Variants in GULP1 observed in about 807,000 individuals in gnomAD.
The protein encoded by GULP1 is PTB domain-containing engulfment adapter protein 1.
A neutral mutation model predicts 40.9 loss-of-function variants in GULP1; 19 were observed. The ratio of observed to expected loss-of-function variants is 0.46; its 90% CI spans 0.32 to 0.68. The LOEUF (loss-of-function observed/expected upper bound fraction) is 0.68. Ranked by LOEUF, GULP1 falls within the 30% of genes least tolerant of loss-of-function variation. GULP1 has a pLI of 0.03. For synonymous variants in GULP1, 119 were observed against 117.6 expected, an observed-to-expected ratio of 1.01 and a Z score of -0.08; for missense variants, 312 against 362.2, an observed-to-expected ratio of 0.86 and a Z score of 1.12.
intron 5 of GULP1, among the ~76,000 whole-genome samples, chr2:188,523,321 G>A (rs1685318705): frequency 6.6e-6 from 1 of 152,174 alleles, no homozygotes; most frequent in African/African-American, 2.4e-5. Context: ...ATGTCCGTAA[G>A]TAGCCATGGG....
chr2:188,356,068 A>G (rs2045267688), intron 1 of GULP1, among the ~76,000 whole-genome samples: 1 of 152,110 alleles, frequency 6.6e-6, no homozygotes, highest in Non-Finnish European at 1.5e-5. Context: ...ACAAACTCAC[A>G]ATCATATATG....
chr2:188,431,224 C>T (rs777069162), intron 2 of GULP1, among the ~76,000 whole-genome samples: 1 of 151,942 alleles, frequency 6.6e-6, no homozygotes, highest in Non-Finnish European at 1.5e-5. Context: ...GGAGGAAAAC[C>T]GTGTCTTTTT....
intron 1 of GULP1, among the ~76,000 whole-genome samples, chr2:188,316,948 T>C (rs2039177636): frequency 6.6e-6 from 1 of 152,170 alleles, no homozygotes; most frequent in Non-Finnish European, 1.5e-5. Context: ...ACATGCCTCC[T>C]TGAAAATGCT....
At chr2:188,463,299 A>C (rs1468623891) in intron 2 of GULP1, among the ~76,000 whole-genome samples, 1 of 152,136 alleles carries the variant, frequency 6.6e-6, no homozygotes, top group Non-Finnish European at 1.5e-5. Flanking sequence ...TTCTAGGAAA[A>C]AATATTTTTG....
intron 4 of GULP1, among the ~76,000 whole-genome samples, chr2:188,497,994 C>G (rs545225147): frequency 7.2e-5 from 11 of 152,008 alleles, no homozygotes; most frequent in South Asian, 4.1e-4. Context: ...TAGATTTCCA[C>G]ACATTCCAGA....
At chr2:188,408,790 T>C (rs535163730) in intron 2 of GULP1, among the ~76,000 whole-genome samples, 1 of 152,168 alleles carries the variant, frequency 6.6e-6, no homozygotes, top group Non-Finnish European at 1.5e-5. Flanking sequence ...TGATAACAAA[T>C]TTAAGAAGAA....
chr2:188,476,754 A>T (rs570303524), intron 2 of GULP1, among the ~76,000 whole-genome samples: 2 of 152,132 alleles, frequency 1.3e-5, no homozygotes, highest in East Asian at 3.9e-4. Context: ...TGAGTGTTGT[A>T]TCAGTAAGAT....
At chr2:188,481,224 C>T (rs982338008) in intron 3 of GULP1, among the ~76,000 whole-genome samples, 3 of 152,058 alleles carry the variant, frequency 2.0e-5, no homozygotes, top group Non-Finnish European at 1.5e-5. Context: ...CATTTCTGCA[C>T]ATTTTCATAT....
intron 7 of GULP1, chr2:188,541,962 G>C (rs1232477048): frequency 6.5e-6 from 1 of 152,678 alleles, no homozygotes; most frequent in Non-Finnish European, 1.5e-5. Context: ...ACAAAAATTA[G>C]CTGGGTGTGG....
intron 6 of GULP1, among the ~76,000 whole-genome samples, chr2:188,531,578 A>T (rs1037799752): frequency 3.3e-5 from 5 of 152,216 alleles, no homozygotes; most frequent in African/African-American, 1.2e-4. Context: ...TACTTTAGTT[A>T]CGGCGATTCT....
intron 2 of GULP1, among the ~76,000 whole-genome samples, chr2:188,421,609 A>G (rs902037153): frequency 3.9e-5 from 6 of 152,190 alleles, no homozygotes; most frequent in African/African-American, 1.4e-4. Context: ...ACCACACACA[A>G]AGGATAGCTT....
At chr2:188,532,203 T>A (rs1687727374) in intron 6 of GULP1, among the ~76,000 whole-genome samples, 1 of 152,250 alleles carries the variant, frequency 6.6e-6, no homozygotes, top group Admixed American at 6.5e-5. Context: ...TACCATAATT[T>A]ACCAAATTAT....
chr2:188,384,644 A>T lies in GULP1; in HGVS notation c.-45+755A>T, dbSNP rs545011614. Among the ~76,000 whole-genome samples, 50 of 152,336 alleles carry T rather than the reference A, an allele frequency of 3.3e-4. 1 individual carries two copies. Among genetic ancestry groups the T allele is most frequent in the African/African-American group, 1.1e-3 (46 of 41,578 alleles). On this transcript the variant is annotated intron_variant, in intron 2 of 11. Coordinates refer to ENST00000409830, the MANE Select transcript of GULP1 (RefSeq NM_016315.4). ...CACAATCCAGAGTCTCATTAGAGAC[A>T]AGGCAGGTCCTTTCTGCCTATGAGC...
intron 4 of GULP1, among the ~76,000 whole-genome samples, chr2:188,521,190 G>A (rs2065734860): frequency 6.6e-6 from 1 of 151,984 alleles, no homozygotes; most frequent in Non-Finnish European, 1.5e-5. Flanking sequence ...ATGTTTGTTT[G>A]CCCTATATAT....
intron 3 of GULP1, among the ~76,000 whole-genome samples, chr2:188,480,666 CTTTG>C (rs1441232057): frequency 2.0e-5 from 3 of 151,388 alleles, no homozygotes; most frequent in Non-Finnish European, 4.4e-5. Context: ...TAGTGATTGT[CTTTG>C]TTTTAGATTT....
intron 1 of GULP1, among the ~76,000 whole-genome samples, chr2:188,308,865 G>T (rs1038152566): frequency 1.3e-5 from 2 of 152,114 alleles, no homozygotes; most frequent in African/African-American, 4.8e-5. Flanking sequence ...TCACTGAGAG[G>T]TATAAAAGAG....
At chr2:188,443,668 A>G (rs2058128799) in intron 2 of GULP1, among the ~76,000 whole-genome samples, 1 of 151,734 alleles carries the variant, frequency 6.6e-6, no homozygotes, top group African/African-American at 2.4e-5. Flanking sequence ...AATAGCTTAA[A>G]CTGAAAAAAT....
intron 1 of GULP1, among the ~76,000 whole-genome samples, chr2:188,321,664 T>C (rs1447920695): frequency 1.3e-5 from 2 of 152,148 alleles, no homozygotes; most frequent in Non-Finnish European, 2.9e-5. Flanking sequence ...TAGTCTTCTA[T>C]ATCTTTTTTT....
intron 7 of GULP1, among the ~76,000 whole-genome samples, chr2:188,543,537 A>G (rs1231533946): frequency 2.0e-5 from 3 of 152,158 alleles, no homozygotes; most frequent in African/African-American, 7.2e-5. Flanking sequence ...TAACACTGAT[A>G]TTATATGTAT....
Sources: allele counts gnomAD v4.1 joint callset (sites outside exome capture counted in the v4.1 genomes callset), GRCh38; gene constraint gnomAD v4.1.1; transcripts MANE v1.5; gene names NCBI Gene and HGNC (gene_info 2026-07-23, HGNC 2026-07-21).